SPATA16: variants seen among roughly 807,000 people sequenced by gnomAD.
SPATA16 encodes spermatogenesis-associated protein 16.
A neutral mutation model predicts 63.3 loss-of-function variants in SPATA16; 36 were observed. That is an observed-to-expected ratio of 0.57 (90% CI 0.44 to 0.75). SPATA16 has a LOEUF of 0.75. SPATA16 is among the 30% of genes least tolerant of loss of function. The pLI is 0.00. For synonymous variants in SPATA16, 203 were observed against 216.7 expected, an observed-to-expected ratio of 0.94 and a Z score of 0.56; for missense variants, 646 against 679.3, an observed-to-expected ratio of 0.95 and a Z score of 0.54.
Position 173,138,003 on chromosome 3 carries a change from T to C in SPATA16, c.-19+3100A>G, listed in dbSNP as rs572944759. 9.8e-5 allele frequency among the ~76,000 whole-genome samples: 15 copies of C among 152,286 alleles called. No individual in the cohort carries two copies. In the South Asian group the frequency reaches 3.1e-3, roughly 32 times the overall value. On this transcript the variant is annotated intron_variant, in intron 1 of 10. Transcript: ENST00000351008. Reference sequence around the variant, plus strand: ...TTTCCAAATGTCTGTTCAACAGGAATGAGAAGTGATTTATATCATGTTTTT... The same window carrying C: ...TTTCCAAATGTCTGTTCAACAGGAACGAGAAGTGATTTATATCATGTTTTT...
chr3:172,997,946 A>G (rs1442553525), intron 4 of SPATA16, among the ~76,000 whole-genome samples: 3 of 152,114 alleles, frequency 2.0e-5, no homozygotes, highest in Non-Finnish European at 1.5e-5. Flanking sequence ...CTGTAGCTTT[A>G]TAGTAATTCT....
At chr3:173,092,789 A>G (rs1054606541) in intron 2 of SPATA16, among the ~76,000 whole-genome samples, 3 of 152,126 alleles carry the variant, frequency 2.0e-5, no homozygotes, top group Non-Finnish European at 4.4e-5. Context: ...AACCACAGAA[A>G]ACAAATACAG....
rs1560080273 is a variant in SPATA16, at chr3:172,961,062, TCTTCTTTCTTCCTTC to T, written c.934-4253_934-4239del. Among the ~76,000 whole-genome samples the T allele has an allele frequency of 2.8e-3, 103 of 37,044 alleles. 3 individuals carry two copies. The highest frequency in any genetic ancestry group is 7.2e-3 in the East Asian group (12 of 1,662). The allele number at this position is 37,044 out of a possible 152,430, so 24.3% of individuals were successfully genotyped here. ...TTTCTTTCTTTCTTCTTTCTTTCTT[TCTTCTTTCTTCCTTC>T]CTTCCTTCCTTCCTTCCTTCCTTCC... On this transcript the variant is annotated intron_variant, in intron 5 of 10. Transcript: ENST00000351008.
chr3:173,077,301 T>G (rs902722952), intron 2 of SPATA16, among the ~76,000 whole-genome samples: 7 of 152,130 alleles, frequency 4.6e-5, no homozygotes, highest in Non-Finnish European at 7.4e-5. Context: ...ACTTGAAAAA[T>G]GGTAGAAGGC....
chr3:173,094,824 C>A lies in SPATA16; in HGVS notation c.612+22296G>T, dbSNP rs1224057905. ...CTAAGCCCTGGCCATCTCCAGTCAG[C>A]CTCGGAGCAGCTCCGTTTTATCTTC... On this transcript the variant is annotated intron_variant, in intron 2 of 10. Coordinates refer to ENST00000351008, the MANE Select transcript of SPATA16 (RefSeq NM_031955.6). Among the ~76,000 whole-genome samples, 3 of 152,134 alleles carry A rather than the reference C, an allele frequency of 2.0e-5. No individual in the cohort carries two copies. The East Asian group carries it at 5.8e-4, about 29-fold the overall frequency.
chr3:172,896,859 G>T, intron 10 of SPATA16, among the ~76,000 whole-genome samples: 1 of 150,970 alleles, frequency 6.6e-6, no homozygotes, highest in Non-Finnish European at 1.5e-5. Context: ...TTGGATGTAG[G>T]GTTTGCAAGT....
At chr3:173,072,478 A>G (rs2108308056) in intron 2 of SPATA16, among the ~76,000 whole-genome samples, 1 of 152,298 alleles carries the variant, frequency 6.6e-6, no homozygotes, top group Non-Finnish European at 1.5e-5. Context: ...CCATTGTGAG[A>G]TAATTGAATC....
intron 2 of SPATA16, among the ~76,000 whole-genome samples, chr3:173,059,442 T>C (rs1736324102): frequency 6.6e-6 from 1 of 151,820 alleles, no homozygotes; most frequent in South Asian, 2.1e-4. Flanking sequence ...TCTTATTCAT[T>C]ATCTTACTTT....
intron 4 of SPATA16, among the ~76,000 whole-genome samples, chr3:173,017,013 C>A (rs1735205107): frequency 7.1e-6 from 1 of 140,206 alleles, no homozygotes. Context: ...AAGACTGTCT[C>A]AAAAAAAAAA....
At chr3:173,063,781 G>A (rs2108302293) in intron 2 of SPATA16, among the ~76,000 whole-genome samples, 1 of 152,214 alleles carries the variant, frequency 6.6e-6, no homozygotes, top group Admixed American at 6.5e-5. Context: ...GTCTGGGAGT[G>A]TATATTTTGC....
chr3:173,025,035 T>A (rs1273465790), intron 3 of SPATA16, among the ~76,000 whole-genome samples: 1 of 150,938 alleles, frequency 6.6e-6, no homozygotes, highest in African/African-American at 2.4e-5. Context: ...GACAGCATTG[T>A]TCAATTTCAA....
At chr3:173,105,308 G>A (rs1391266726) in intron 2 of SPATA16, among the ~76,000 whole-genome samples, 1 of 152,130 alleles carries the variant, frequency 6.6e-6, no homozygotes, top group Non-Finnish European at 1.5e-5. Context: ...ACCCATTCTT[G>A]AGAAAGGAGG....
At chr3:172,985,430 G>A (rs1398095961) in intron 4 of SPATA16, among the ~76,000 whole-genome samples, 3 of 152,180 alleles carry the variant, frequency 2.0e-5, no homozygotes, top group Admixed American at 2.0e-4. Flanking sequence ...ACATGCAGAA[G>A]TATGAAGACA....
At chr3:173,088,805 C>T (rs930485338) in intron 2 of SPATA16, among the ~76,000 whole-genome samples, 1 of 152,200 alleles carries the variant, frequency 6.6e-6, no homozygotes, top group Non-Finnish European at 1.5e-5. Context: ...ACTCACTCAA[C>T]AAATGTTTCT....
At chr3:173,091,267 A>G (rs1352643934) in intron 2 of SPATA16, among the ~76,000 whole-genome samples, 1 of 152,178 alleles carries the variant, frequency 6.6e-6, no homozygotes, top group Non-Finnish European at 1.5e-5. Flanking sequence ...AAGAAGAGAG[A>G]ATAGACCTAT....
chr3:173,133,788 A>G (rs1738450543), intron 1 of SPATA16, among the ~76,000 whole-genome samples: 1 of 152,210 alleles, frequency 6.6e-6, no homozygotes, highest in African/African-American at 2.4e-5. Context: ...AAAAAGAAAG[A>G]AAGGAAAAAG....
intron 10 of SPATA16, among the ~76,000 whole-genome samples, chr3:172,899,405 C>CT (rs901696665): frequency 2.6e-5 from 4 of 151,924 alleles, no homozygotes; most frequent in Non-Finnish European, 5.9e-5. Flanking sequence ...TCTCTGGTAA[C>CT]TTTTTTTGCT....
At chr3:172,948,058 T>G (rs1485425428) in intron 6 of SPATA16, among the ~76,000 whole-genome samples, 6 of 151,294 alleles carry the variant, frequency 4.0e-5, no homozygotes, top group Admixed American at 2.6e-4. Flanking sequence ...AGAGAGAGAT[T>G]GGGGTAGAAG....
At chr3:172,939,838 G>A (rs1167012020) in intron 6 of SPATA16, among the ~76,000 whole-genome samples, 1 of 152,130 alleles carries the variant, frequency 6.6e-6, no homozygotes, top group Non-Finnish European at 1.5e-5. Context: ...CAGGATGAGG[G>A]CAATTTGCCA....
Sources: allele counts gnomAD v4.1 joint callset (sites outside exome capture counted in the v4.1 genomes callset), GRCh38; gene constraint gnomAD v4.1.1; transcripts MANE v1.5; gene names NCBI Gene and HGNC (gene_info 2026-07-23, HGNC 2026-07-21).